PSMB7: variants seen among roughly 807,000 people sequenced by gnomAD.
PSMB7 encodes the protein proteasome subunit beta type-7.
A neutral mutation model predicts 28.1 loss-of-function variants in PSMB7; 5 were observed. The ratio of observed to expected loss-of-function variants is 0.18; its 90% confidence interval spans 0.09 to 0.37. PSMB7 has a LOEUF of 0.37. Among genes scored for constraint, PSMB7 ranks in the 10% least tolerant of loss-of-function variants. The pLI is 1.00. For missense variants in PSMB7, 275 were observed against 346.2 expected (o/e 0.79, Z 1.63); for synonymous variants, 122 against 123.7 (o/e 0.99, Z 0.09).
At chr9:124,387,513 G>A (rs973907571) in intron 5 of PSMB7, among the ~76,000 whole-genome samples, 6 of 135,350 alleles carry the variant, frequency 4.4e-5, no homozygotes, top group Non-Finnish European at 8.8e-5. Context: ...TCTCTCTCTC[G>A]AGAAATTTTC....
chr9:124,389,014 C>A (rs570213651), intron 5 of PSMB7, among the ~76,000 whole-genome samples: 107 of 152,338 alleles, frequency 7.0e-4, no homozygotes, highest in African/African-American at 2.5e-3. Context: ...GTGAGGCCAA[C>A]TACCCAAATG....
chr9:124,366,600 TA>T, intron 6 of PSMB7, among the ~76,000 whole-genome samples: 1 of 152,232 alleles, frequency 6.6e-6, no homozygotes, highest in Non-Finnish European at 1.5e-5. Flanking sequence ...CCAGTGTTGA[TA>T]AAGTCTACAG....
intron 6 of PSMB7, among the ~76,000 whole-genome samples, chr9:124,364,271 C>A (rs1236522042): frequency 6.6e-6 from 1 of 152,150 alleles, no homozygotes; most frequent in Non-Finnish European, 1.5e-5. Flanking sequence ...GTCGGGGATG[C>A]ATGCCAGATT....
intron 6 of PSMB7, among the ~76,000 whole-genome samples, chr9:124,377,224 G>A (rs982874322): frequency 7.9e-5 from 12 of 152,162 alleles, no homozygotes; most frequent in African/African-American, 4.8e-5. Context: ...TCTCTGTTCC[G>A]ATCGCACAGA....
chr9:124,400,604 T>C (rs1180956589), intron 5 of PSMB7, among the ~76,000 whole-genome samples: 1 of 152,190 alleles, frequency 6.6e-6, no homozygotes, highest in East Asian at 1.9e-4. Flanking sequence ...GCACCAGCTG[T>C]GCCCGCAGCA....
At chr9:124,381,228 G>A (rs1830661759) in intron 6 of PSMB7, among the ~76,000 whole-genome samples, 1 of 152,216 alleles carries the variant, frequency 6.6e-6, no homozygotes, top group African/African-American at 2.4e-5. Context: ...AAATACTATA[G>A]TCCAAAGGCC....
intron 6 of PSMB7, among the ~76,000 whole-genome samples, chr9:124,374,751 G>A (rs1830592861): frequency 6.6e-6 from 1 of 152,076 alleles, no homozygotes; most frequent in Non-Finnish European, 1.5e-5. Flanking sequence ...TTGAACCCAG[G>A]CATTCAAGGC....
chr9:124,356,947 C>T lies in PSMB7; in HGVS notation c.571-32G>A, dbSNP rs373538139. On this transcript the variant is annotated intron_variant, in intron 6 of 7. Transcript: ENST00000259457. The surrounding 1 kb of genome is among the most constrained non-coding windows in gnomAD (Gnocchi z 4.4). ...AACAGAACGGCGGCAATAATGTCCC[C>T]GGCCAAACTAGGGCCTGCTCTGACA... 1.3e-4 allele frequency: 203 copies of T among 1,612,750 alleles called. No individual in the cohort carries two copies. In the East Asian group the frequency reaches 3.1e-3, roughly 24 times the overall value.
At position 124,356,612 on chromosome 9, in the gene PSMB7, C is replaced by T; in HGVS notation, c.722+152G>A. ...CAGCCCACTGTCATAAAGCAAGTAA[C>T]AAGCCGAAGGTCTGTGTGGGAGGTT... On this transcript the variant is annotated intron_variant, in intron 7 of 7. Coordinates refer to ENST00000259457, the MANE Select transcript of PSMB7 (RefSeq NM_002799.4). The surrounding 1 kb of genome is among the most constrained non-coding windows in gnomAD (Gnocchi z 4.4). 1 of 853,224 alleles carries T rather than the reference C, an allele frequency of 1.2e-6. No individual in the cohort carries two copies. The highest frequency in any genetic ancestry group is 1.8e-6 in the Non-Finnish European group (1 of 568,810). 52.9% of individuals were successfully genotyped at this position (853,224 alleles called of 1,614,324 possible). A position where few individuals can be genotyped will look rare whatever the true frequency, so the allele number is the denominator to read the frequency against.
At chr9:124,383,423 T>G (rs568231202) in intron 6 of PSMB7, among the ~76,000 whole-genome samples, 2 of 152,150 alleles carry the variant, frequency 1.3e-5, no homozygotes, top group Non-Finnish European at 2.9e-5. Flanking sequence ...GCTATCCCCA[T>G]GTACCGAGGG....
intron 6 of PSMB7, among the ~76,000 whole-genome samples, chr9:124,378,280 A>T (rs1830633681): frequency 6.6e-6 from 1 of 152,234 alleles, no homozygotes; most frequent in Non-Finnish European, 1.5e-5. Context: ...AATGAAAAAC[A>T]GTTTCTATTC....
intron 2 of PSMB7, 150 bp downstream of exon 2, chr9:124,414,692 G>C (rs1831067408): frequency 6.0e-6 from 4 of 671,570 alleles, no homozygotes; most frequent in Admixed American, 2.3e-5. Context: ...CACAAAACCT[G>C]ACAAAAGCAG....
intron 5 of PSMB7, among the ~76,000 whole-genome samples, chr9:124,404,400 T>C (rs1352035133): frequency 3.9e-5 from 6 of 152,242 alleles, no homozygotes; most frequent in African/African-American, 7.2e-5. Context: ...ATCATCTGTA[T>C]TACTTTTTTT....
intron 6 of PSMB7, among the ~76,000 whole-genome samples, chr9:124,365,783 T>C (rs1830501578): frequency 6.6e-6 from 1 of 152,084 alleles, no homozygotes. Flanking sequence ...GGTGTGGTGA[T>C]GTGCACCTGT....
At chr9:124,401,694 G>C (rs1278578986) in intron 5 of PSMB7, among the ~76,000 whole-genome samples, 1 of 152,136 alleles carries the variant, frequency 6.6e-6, no homozygotes. Context: ...TGTGCTGCCT[G>C]CTATAGTGCC....
chr9:124,408,029 G>C (rs1457603710), intron 4 of PSMB7, among the ~76,000 whole-genome samples: 1 of 152,166 alleles, frequency 6.6e-6, no homozygotes, highest in Non-Finnish European at 1.5e-5. Flanking sequence ...CAAACATGGT[G>C]GCGTGGGCCT....
At chr9:124,387,745 T>A (rs1456704463) in intron 5 of PSMB7, among the ~76,000 whole-genome samples, 1 of 152,102 alleles carries the variant, frequency 6.6e-6, no homozygotes, top group Non-Finnish European at 1.5e-5. Flanking sequence ...TGTCAACAGG[T>A]TTGTAGATAC....
chr9:124,413,920 G>A lies in PSMB7; in HGVS notation c.242C>T (p.Ser81Phe). The change falls in exon 3 of 8, where the codon TCT becomes TTT. Residue 81 changes from serine to phenylalanine, a missense_variant. Physicochemically the swap from Ser to Phe is radical, Grantham distance 155 (BLOSUM62 -2). Coordinates refer to ENST00000259457, the MANE Select transcript of PSMB7 (RefSeq NM_002799.4). ...AATCAATACTTACTAAATATTAGGA[G>A]ATATGAAGTGTATTTTTGAACAGTT... The part of the protein sequence containing the change: ...DKNCSKIHFI[S>F]PNIYCCGAGT... 6.3e-7 allele frequency: 1 copy of A among 1,599,988 alleles called. No individual in the cohort carries two copies.
chr9:124,383,001 T>C (rs1830683508), intron 6 of PSMB7, among the ~76,000 whole-genome samples: 1 of 152,240 alleles, frequency 6.6e-6, no homozygotes, highest in African/African-American at 2.4e-5. Flanking sequence ...GGTTTGGCAT[T>C]ACTGAGGTGA....
Sources: allele counts gnomAD v4.1 joint callset (sites outside exome capture counted in the v4.1 genomes callset), GRCh38; gene constraint gnomAD v4.1.1; non-coding constraint Gnocchi (gnomAD v3.1); transcripts MANE v1.5; gene names NCBI Gene and HGNC (gene_info 2026-07-23, HGNC 2026-07-21).